The following GNA14 variants were observed in gnomAD, a reference collection of about 807,000 sequenced individuals.
GNA14 encodes the protein guanine nucleotide-binding protein subunit alpha-14.
In GNA14, 50 loss-of-function variants were observed where a neutral mutation model predicts 42.0. The ratio of observed to expected loss-of-function variants is 1.19; its 90% CI spans 0.95 to 1.51. The LOEUF is 1.51. Among genes scored for constraint, GNA14 ranks in the 40% most tolerant of loss-of-function variants. The probability of loss-of-function intolerance (pLI) is 0.00; values close to 1 mark genes in which losing one functional copy is unlikely to be tolerated. For missense variants in GNA14, 473 were observed against 446.2 expected, an observed-to-expected ratio of 1.06 and a Z score of -0.54; for synonymous variants, 173 against 163.1, an observed-to-expected ratio of 1.06 and a Z score of -0.46.
At chr9:77,603,093 C>T (rs888618994) in intron 1 of GNA14, among the ~76,000 whole-genome samples, 3 of 152,234 alleles carry the variant, frequency 2.0e-5, no homozygotes, top group Admixed American at 6.5e-5. Flanking sequence ...GCCCACAAAG[C>T]TCTTCACACA....
intron 1 of GNA14, among the ~76,000 whole-genome samples, chr9:77,583,178 G>A (rs556865619): frequency 5.3e-5 from 8 of 152,270 alleles, no homozygotes; most frequent in South Asian, 4.1e-4. Flanking sequence ...ATGAGATAAC[G>A]CAGTCTTTGT....
intron 2 of GNA14, among the ~76,000 whole-genome samples, chr9:77,512,703 TGATA>T (rs1156861329): frequency 1.3e-5 from 2 of 152,226 alleles, no homozygotes; most frequent in Non-Finnish European, 2.9e-5. Flanking sequence ...TGTTATAGAT[TGATA>T]ATCTTTTTAT....
chr9:77,597,267 C>G (rs1823480996), intron 1 of GNA14, among the ~76,000 whole-genome samples: 1 of 152,192 alleles, frequency 6.6e-6, no homozygotes. Flanking sequence ...ACTGCTCTGA[C>G]AAACCAAACG....
At chr9:77,523,327 G>A (rs1587816083) in intron 2 of GNA14, among the ~76,000 whole-genome samples, 2 of 152,174 alleles carry the variant, frequency 1.3e-5, no homozygotes, top group Admixed American at 6.5e-5. Context: ...AATCATGGCC[G>A]AAGGTGAAGG....
chr9:77,490,815 C>T (rs1836759176), intron 2 of GNA14, among the ~76,000 whole-genome samples: 2 of 152,364 alleles, frequency 1.3e-5, no homozygotes, highest in Admixed American at 1.3e-4. Context: ...TTGGCCAGCC[C>T]AGAAAGGGGC....
intron 1 of GNA14, among the ~76,000 whole-genome samples, chr9:77,578,083 T>G (rs1823156516): frequency 8.4e-6 from 1 of 118,652 alleles, no homozygotes; most frequent in Non-Finnish European, 1.6e-5. Context: ...CTAGCCAACA[T>G]GGTGAAATGG....
chr9:77,514,237 G>C (rs529596166), intron 2 of GNA14, among the ~76,000 whole-genome samples: 1 of 152,000 alleles, frequency 6.6e-6, no homozygotes, highest in Non-Finnish European at 1.5e-5. Flanking sequence ...CTTTTTGCCC[G>C]ATATCACAGT....
chr9:77,546,369 C>A (rs1188503957), intron 1 of GNA14, among the ~76,000 whole-genome samples: 1 of 151,874 alleles, frequency 6.6e-6, no homozygotes, highest in African/African-American at 2.4e-5. Context: ...CTCTCGGTGT[C>A]CAAATCAACA....
chr9:77,445,566 A>AAG (rs1554687644), intron 2 of GNA14, among the ~76,000 whole-genome samples: 1 of 151,250 alleles, frequency 6.6e-6, no homozygotes, highest in African/African-American at 2.4e-5. Context: ...AAAAAAAAAA[A>AAG]AAAAAAAGAA....
chr9:77,585,938 G>T (rs1028393133), intron 1 of GNA14, among the ~76,000 whole-genome samples: 3 of 151,748 alleles, frequency 2.0e-5, no homozygotes, highest in African/African-American at 4.8e-5. Flanking sequence ...TATTGTTTTT[G>T]CCTTCCCAGA....
At chr9:77,491,909 T>C (rs1349412239) in intron 2 of GNA14, among the ~76,000 whole-genome samples, 2 of 152,214 alleles carry the variant, frequency 1.3e-5, no homozygotes, top group East Asian at 3.9e-4. Context: ...AACCATGTCT[T>C]AGGCTATAAA....
intron 2 of GNA14, among the ~76,000 whole-genome samples, chr9:77,489,905 G>A (rs557890737): frequency 5.3e-5 from 8 of 152,126 alleles, no homozygotes; most frequent in Non-Finnish European, 8.8e-5. Context: ...GAAGGGGACC[G>A]GAGCAGGTTG....
intron 2 of GNA14, among the ~76,000 whole-genome samples, chr9:77,513,662 C>T (rs781302000): frequency 1.3e-5 from 2 of 152,192 alleles, no homozygotes; most frequent in South Asian, 2.1e-4. Flanking sequence ...TCCTCTCTTT[C>T]GCACCACTCT....
chr9:77,484,458 T>C (rs1308048137), intron 2 of GNA14, among the ~76,000 whole-genome samples: 1 of 152,114 alleles, frequency 6.6e-6, no homozygotes, highest in African/African-American at 2.4e-5. Flanking sequence ...TCATCACAAA[T>C]TGTTATATAA....
intron 1 of GNA14, among the ~76,000 whole-genome samples, chr9:77,579,370 C>A (rs931857126): frequency 2.6e-5 from 4 of 151,980 alleles, no homozygotes; most frequent in Middle Eastern, 3.2e-3. Flanking sequence ...TGCCTCAAGT[C>A]CTGCCCTTCC....
chr9:77,438,426 C>T (rs28634598), intron 2 of GNA14, among the ~76,000 whole-genome samples: 18,230 of 152,024 alleles, frequency 0.12, 1,204 homozygotes, highest in African/African-American at 0.16. Flanking sequence ...CGCCACCACC[C>T]CTGGCTAATT....
intron 2 of GNA14, among the ~76,000 whole-genome samples, chr9:77,507,374 C>T (rs1837089053): frequency 6.6e-6 from 1 of 152,164 alleles, no homozygotes; most frequent in South Asian, 2.1e-4. Context: ...TTGAAAGATA[C>T]TTGGTTCCCT....
At chr9:77,608,939 ACATCCAT>A (rs1276149870) in intron 1 of GNA14, among the ~76,000 whole-genome samples, 4 of 152,012 alleles carry the variant, frequency 2.6e-5, no homozygotes, top group Non-Finnish European at 5.9e-5. Context: ...TCCTTCATTC[ACATCCAT>A]ACTATCTCCT....
At chr9:77,433,473 A>G (rs1425343573) in intron 3 of GNA14, among the ~76,000 whole-genome samples, 2 of 151,550 alleles carry the variant, frequency 1.3e-5, no homozygotes, top group African/African-American at 4.9e-5. Flanking sequence ...TGCAACCTCA[A>G]CCTCCTAGGC....
Sources: allele counts gnomAD v4.1 joint callset (sites outside exome capture counted in the v4.1 genomes callset), GRCh38; gene constraint gnomAD v4.1.1; transcripts MANE v1.5; gene names NCBI Gene and HGNC (gene_info 2026-07-23, HGNC 2026-07-21).